Variants in BOD1L1 observed in about 807,000 individuals in gnomAD.
The protein encoded by BOD1L1 is biorientation of chromosomes in cell division protein 1-like 1.
A neutral mutation model predicts 240.7 loss-of-function variants in BOD1L1; 86 were observed. The observed-to-expected ratio is 0.36, with a 90% CI of 0.30 to 0.43. BOD1L1 has a LOEUF of 0.43. BOD1L1 is among the 20% of genes least tolerant of loss of function. The pLI is 1.00. For missense variants in BOD1L1, 3,554 were observed against 3,643.5 expected (o/e 0.98, Z 0.63); for synonymous variants, 1,268 against 1,272.3 (o/e 1.00, Z 0.07).
At position 13,588,790 on chromosome 4, in the gene BOD1L1, T is replaced by C. The variant is rs767229687; in HGVS notation, c.8212A>G (p.Ile2738Val). 2 of 1,587,422 alleles carry C rather than the reference T, an allele frequency of 1.3e-6. No individual in the cohort carries two copies. The highest frequency in any genetic ancestry group is 1.7e-6 in the Non-Finnish European group (2 of 1,167,794). Residue 2738 changes from isoleucine to valine, a missense_variant and splice_region_variant, in exon 15 of 26, where the codon ATA (isoleucine) becomes GTA (valine). Transcript: ENST00000040738. ...GCGTTGTCTTTTCTACCACTGGATA[T>C]CTCTGAGTAATAAATACAAAAAAGA... ...IHSESYNKGE[I>V]SSGRKDNAEA... is the part of the protein sequence containing the mutation.
intron 14 of BOD1L1, among the ~76,000 whole-genome samples, chr4:13,589,566 A>G (rs922211070): frequency 6.6e-6 from 1 of 152,252 alleles, no homozygotes; most frequent in African/African-American, 2.4e-5. Context: ...TACCTAAAGC[A>G]GGCAACATAG....
At position 13,603,725 on chromosome 4, in the gene BOD1L1, T is replaced by C. The variant is rs1415313053; in HGVS notation, c.3175A>G (p.Ser1059Gly). The C allele has an allele frequency of 1.2e-6, 2 of 1,613,992 alleles. No individual in the cohort carries two copies. Among genetic ancestry groups the C allele is most frequent in the Non-Finnish European group, 8.5e-7 (1 of 1,179,874 alleles). The change falls in exon 10 of 26, where the codon AGT (serine) becomes GGT (glycine). Residue 1059 changes from serine to glycine, a missense_variant. This residue lies in a region of BOD1L1 where 3,393 missense variants were observed against 3,427.1 expected (regional missense o/e 0.99). Transcript: ENST00000040738. ...CTTAATTTCTTTTCCATGAGTGAAC[T>C]ATTACCTCTGGCCTTTTCATGACTA... ...DSSHEKARGN[S>G]SLMEKKLSRR...
chr4:13,622,788 G>T (rs1717128424), intron 1 of BOD1L1, among the ~76,000 whole-genome samples: 1 of 152,176 alleles, frequency 6.6e-6, no homozygotes, highest in Non-Finnish European at 1.5e-5. Flanking sequence ...AGCAAGAAAG[G>T]GGAAGCTATT....
Position 13,604,861 on chromosome 4 carries a change from A to T in BOD1L1, c.2039T>A (p.Val680Glu). 1 of 1,612,128 alleles carries T rather than the reference A, an allele frequency of 6.2e-7. No individual in the cohort carries two copies. Among genetic ancestry groups the T allele is most frequent in the East Asian group, 2.2e-5 (1 of 44,840 alleles). ...TTCGGTGCAAATTTCTGAGCGTTCT[A>T]CTTGCCTTTTTACATCTCTTGTGTC... ...ETDTRDVKRQ[V>E]ERSEICTEEP... Residue 680 changes from valine (V) to glutamate (E), a missense_variant, in exon 10 of 26, where the codon GTA becomes GAA. By Grantham distance (121) the Val-to-Glu change is moderately radical (BLOSUM62 -2). Coordinates refer to ENST00000040738, the MANE Select transcript of BOD1L1 (RefSeq NM_148894.3).
intron 19 of BOD1L1, among the ~76,000 whole-genome samples, chr4:13,581,990 G>T (rs1461805456): frequency 6.6e-6 from 1 of 152,104 alleles, no homozygotes; most frequent in Non-Finnish European, 1.5e-5. Flanking sequence ...GCACTAAGCT[G>T]ATCCTATCTG....
At chr4:13,582,118 A>C (rs1335857759) in intron 19 of BOD1L1, 119 bp downstream of exon 19, 1 of 771,084 alleles carries the variant, frequency 1.3e-6, no homozygotes, top group Non-Finnish European at 2.1e-6. Context: ...CATTGCACTA[A>C]AAAAACCGCA....
intron 1 of BOD1L1, chr4:13,624,994 G>C (rs1453719950): frequency 6.6e-6 from 1 of 152,218 alleles, no homozygotes; most frequent in Non-Finnish European, 1.5e-5. Flanking sequence ...CCAGGCATGA[G>C]CCACCGGGCC....
intron 1 of BOD1L1, among the ~76,000 whole-genome samples, chr4:13,623,197 T>C (rs1344379148): frequency 2.0e-5 from 3 of 152,146 alleles, no homozygotes; most frequent in Admixed American, 6.5e-5. Context: ...TTTTTTCTAC[T>C]AGGATGTAAG....
chr4:13,620,148 G>C (rs1366697433), intron 1 of BOD1L1, 81 bp from the exon 2 acceptor site: 2 of 1,370,378 alleles, frequency 1.5e-6, no homozygotes, highest in African/African-American at 2.9e-5. Flanking sequence ...TTTTACCATG[G>C]GACAACAAAG....
Position 13,614,516 on chromosome 4 carries a change from CA to C in BOD1L1, c.853del (p.Cys285ValfsTer16). On this transcript the variant is annotated frameshift_variant, in exon 4 of 26. Coordinates refer to ENST00000040738, the MANE Select transcript of BOD1L1 (RefSeq NM_148894.3). LOFTEE classifies it high-confidence loss of function. ...GTAATTTTTAATTTCTTCGACTGGACAGGGGAGGTCGCTGAACTCTTCAGAC... is the reference window on the plus strand; with the variant it reads ...GTAATTTTTAATTTCTTCGACTGGACGGGGAGGTCGCTGAACTCTTCAGAC... Reference protein sequence around the residue: ...PKSEEFSDLPCPVEEIKNYTK... With the variant: ...PKSEEFSDLPXPVEEIKNYTK... The C allele has an allele frequency of 6.2e-7, 1 of 1,613,912 alleles. No individual in the cohort carries two copies. Among genetic ancestry groups the C allele is most frequent in the Non-Finnish European group, 8.5e-7 (1 of 1,179,862 alleles).
In BOD1L1 at chr4:13,600,394, T is replaced by C. The variant is rs781419193; in HGVS notation, c.6506A>G (p.Gln2169Arg). 2.5e-5 allele frequency: 40 copies of C among 1,613,856 alleles called. No individual in the cohort carries two copies. Among genetic ancestry groups the C allele is most frequent in the Non-Finnish European group, 3.1e-5 (37 of 1,179,900 alleles). The change falls in exon 10 of 26, where the codon CAG (glutamine) becomes CGG (arginine). Residue 2169 changes from glutamine to arginine, a missense_variant. By Grantham distance (43) the Gln-to-Arg change is conservative. Coordinates refer to ENST00000040738, the MANE Select transcript of BOD1L1 (RefSeq NM_148894.3). Reference sequence around the variant, plus strand: ...TTCTTCCACTGCTGCAGCAACCGGCTGAAGACTTTCAGCACACTTGATGGT... The same window carrying C: ...TTCTTCCACTGCTGCAGCAACCGGCCGAAGACTTTCAGCACACTTGATGGT... ...ATTIKCAESLQPVAAAVEERA... is the reference protein window; with the variant it reads ...ATTIKCAESLRPVAAAVEERA...
Position 13,590,416 on chromosome 4 carries a change from C to A in BOD1L1, c.8179G>T (p.Glu2727Ter). 1 of 1,519,210 alleles carries A rather than the reference C, an allele frequency of 6.6e-7. No individual in the cohort carries two copies. The highest frequency in any genetic ancestry group is 2.3e-5 in the East Asian group (1 of 43,060). The allele number at this position is 1,519,210 out of a possible 1,614,324, so 94.1% of individuals were successfully genotyped here. A position where few individuals can be genotyped will look rare whatever the true frequency, so the allele number is the denominator to read the frequency against. Residue 2727 changes from glutamate to a stop codon, truncating the protein, a stop_gained, in exon 14 of 26, where the codon GAA becomes TAA. Transcript: ENST00000040738. LOFTEE classifies it high-confidence loss of function. ...TTGTTATAAGATTCGCTATGAATTT[C>A]TTCATTTGTTCTGAAGCCTGAATTT... ...VENSGFRTNE[E>*]IHSESYNKGE...
chr4:13,607,265 TCTTTC>T, intron 8 of BOD1L1, 76 bp from the exon 9 acceptor site: 2 of 716,920 alleles, frequency 2.8e-6, no homozygotes, highest in Non-Finnish European at 4.1e-6. Flanking sequence ...ACAATAAAAA[TCTTTC>T]CTTTACTATA....
At chr4:13,619,095 G>T (rs1262046237) in intron 2 of BOD1L1, among the ~76,000 whole-genome samples, 2 of 152,004 alleles carry the variant, frequency 1.3e-5, no homozygotes, top group African/African-American at 4.8e-5. Context: ...AGCCAAGGAG[G>T]GAAGATCCCT....
In BOD1L1 at chr4:13,570,046, C is replaced by T. The variant is rs779589902; in HGVS notation, c.9121G>A (p.Val3041Met). ...PGARTRGQQRVEEAPVKKAKR is the reference protein window; with the variant it reads ...PGARTRGQQRMEEAPVKKAKR The stretch of plus-strand genomic sequence containing the variant: ...GCTTTTTTCACAGGGGCTTCCTCCA[C>T]CCTTTGCTGGCCTCTTGTTCGGGCC... The change falls in exon 26 of 26, where the codon GTG becomes ATG. Residue 3041 changes from valine to methionine, a missense_variant. Physicochemically the swap from Val to Met is conservative, Grantham distance 21. Coordinates refer to ENST00000040738, the MANE Select transcript of BOD1L1 (RefSeq NM_148894.3). The T allele has an allele frequency of 1.2e-6, 2 of 1,606,664 alleles. No homozygotes were observed. The highest frequency in any genetic ancestry group is 1.7e-6 in the Non-Finnish European group (2 of 1,176,910).
chr4:13,600,197 C>G lies in BOD1L1; in HGVS notation c.6703G>C (p.Val2235Leu), dbSNP rs1242980569. ...GCTCGCTCATTTTCACTTTCAACAA[C>G]TACACCGGAAACAGAAGCCTCACAT... ...EECEASVSGV[V>L]VESENERAGT... The change falls in exon 10 of 26, where the codon GTT (valine) becomes CTT (leucine). Residue 2235 changes from valine to leucine, a missense_variant. Val to Leu is a conservative substitution (Grantham distance 32, BLOSUM62 1). Coordinates refer to ENST00000040738, the MANE Select transcript of BOD1L1 (RefSeq NM_148894.3). 4.3e-6 allele frequency: 7 copies of G among 1,613,886 alleles called. No homozygotes were observed. The highest frequency in any genetic ancestry group is 5.9e-6 in the Non-Finnish European group (7 of 1,179,910).
chr4:13,588,162 C>T (rs563454260), intron 15 of BOD1L1, among the ~76,000 whole-genome samples: 1 of 142,390 alleles, frequency 7.0e-6, no homozygotes, highest in African/African-American at 2.6e-5. Flanking sequence ...CACTCCAGCC[C>T]GTGCAACAGG....
rs1289761203 is a variant in BOD1L1, at chr4:13,600,430, G to C, written c.6470C>G (p.Ser2157Cys). 2 of 1,613,856 alleles carry C rather than the reference G, an allele frequency of 1.2e-6. No individual in the cohort carries two copies. Among genetic ancestry groups the C allele is most frequent in the Admixed American group, 1.7e-5 (1 of 60,020 alleles). Residue 2157 changes from serine to cysteine, a missense_variant, in exon 10 of 26, where the codon TCC becomes TGC. Ser to Cys is a moderately radical substitution (Grantham distance 112). Coordinates refer to ENST00000040738, the MANE Select transcript of BOD1L1 (RefSeq NM_148894.3). ...AGCACACTTGATGGTTGTTGCACTG[G>C]AGATAGGCAATTCGAATTCTTCCCC... ...SIGEEFELPI[S>C]SATTIKCAES... is the part of the protein sequence containing the mutation.
chr4:13,607,065 C>A, intron 9 of BOD1L1, 52 bp downstream of exon 9: 1 of 1,180,106 alleles, frequency 8.5e-7, no homozygotes, highest in African/African-American at 1.6e-5. Flanking sequence ...AAGGAATAAA[C>A]AGCCTATATC....
Sources: allele counts gnomAD v4.1 joint callset (sites outside exome capture counted in the v4.1 genomes callset), GRCh38; gene constraint gnomAD v4.1.1; regional missense constraint gnomAD v4.1.1; transcripts MANE v1.5; gene names NCBI Gene and HGNC (gene_info 2026-07-23, HGNC 2026-07-21).